The following CLASP1 variants were observed in gnomAD, a reference collection of about 807,000 sequenced individuals.
The protein encoded by CLASP1 is CLIP-associating protein 1.
In CLASP1, 38 loss-of-function variants were observed where a neutral mutation model predicts 192.3. The ratio of observed to expected loss-of-function variants is 0.20; its 90% CI spans 0.15 to 0.26. CLASP1 has a LOEUF of 0.26. CLASP1 is among the 10% of genes least tolerant of loss of function. The pLI is 1.00. For missense variants in CLASP1, 1,433 were observed against 1,932.5 expected (o/e 0.74, Z 4.85); for synonymous variants, 691 against 712.8 (o/e 0.97, Z 0.49).
At chr2:121,579,897 A>G (rs2060944087) in intron 2 of CLASP1, among the ~76,000 whole-genome samples, 1 of 152,246 alleles carries the variant, frequency 6.6e-6, no homozygotes, top group Non-Finnish European at 1.5e-5. Flanking sequence ...GTAGTAAATG[A>G]AGTCATTAAA....
rs116427811 is a variant in CLASP1, at chr2:121,605,885, C to A, written c.11G>T (p.Arg4Leu). 6,358 of 1,613,806 alleles carry A rather than the reference C, an allele frequency of 3.9e-3. 15 individuals are homozygous for A. The highest frequency in any genetic ancestry group is 4.9e-3 in the Non-Finnish European group (5,831 of 1,179,790). ...CACCTGCGCCAGGCAGGACTCCATGCGAGGCTCCATAGTGGAATTCAAATC... is the reference window on the plus strand; with the variant it reads ...CACCTGCGCCAGGCAGGACTCCATGAGAGGCTCCATAGTGGAATTCAAATC... Residue 4 changes from arginine (R) to leucine (L), a missense_variant, in exon 2 of 40, where the codon CGC becomes CTC. Physicochemically the swap from Arg to Leu is moderately radical, Grantham distance 102 (BLOSUM62 -2). Around this residue, in one of 8 missense-constraint regions of CLASP1, gnomAD observed 282 missense variants for 359.9 expected, o/e 0.78. Coordinates refer to ENST00000263710, the Ensembl canonical transcript of CLASP1.
intron 2 of CLASP1, among the ~76,000 whole-genome samples, chr2:121,590,147 T>C (rs1310902585): frequency 6.6e-6 from 1 of 152,170 alleles, no homozygotes; most frequent in East Asian, 1.9e-4. Flanking sequence ...CTTTGGCCCA[T>C]TCCAAAGGAA....
At chr2:121,614,507 CAAAACAA>C (rs956962876) in intron 1 of CLASP1, among the ~76,000 whole-genome samples, 3 of 151,854 alleles carry the variant, frequency 2.0e-5, no homozygotes, top group Non-Finnish European at 4.4e-5. Context: ...AAAAACAAAA[CAAAACAA>C]AAAACAAAAA....
At chr2:121,587,372 T>G (rs2061841982) in intron 2 of CLASP1, among the ~76,000 whole-genome samples, 1 of 152,152 alleles carries the variant, frequency 6.6e-6, no homozygotes, top group Non-Finnish European at 1.5e-5. Flanking sequence ...GGCTGGAAAT[T>G]GGGCCTGGAG....
At chr2:121,613,337 G>A (rs1434155679) in intron 1 of CLASP1, among the ~76,000 whole-genome samples, 3 of 152,114 alleles carry the variant, frequency 2.0e-5, no homozygotes, top group Admixed American at 6.6e-5. Context: ...CAAGACAATT[G>A]TCCTAGTCAT....
chr2:121,606,883 CCT>C (rs1365461646), intron 1 of CLASP1, among the ~76,000 whole-genome samples: 1 of 152,124 alleles, frequency 6.6e-6, no homozygotes, highest in East Asian at 1.9e-4. Flanking sequence ...ATGGTGAAAC[CCT>C]GTCTCTACTA....
intron 8 of CLASP1, among the ~76,000 whole-genome samples, chr2:121,497,853 A>G (rs1575473472): frequency 6.6e-6 from 1 of 152,040 alleles, no homozygotes; most frequent in South Asian, 2.1e-4. Context: ...CCGAATAGCT[A>G]GGACTACAGG....
chr2:121,478,678 A>ACACACACACCACC, intron 8 of CLASP1, among the ~76,000 whole-genome samples: 1 of 79,694 alleles, frequency 1.3e-5, no homozygotes, highest in Non-Finnish European at 2.6e-5. Flanking sequence ...CACACACCAC[A>ACACACACACCACC]CACACACCCC....
At chr2:121,525,523 G>C (rs2094554828) in intron 6 of CLASP1, among the ~76,000 whole-genome samples, 1 of 152,044 alleles carries the variant, frequency 6.6e-6, no homozygotes, top group South Asian at 2.1e-4. Context: ...ACCCCTTTTG[G>C]CTGCAGAGGT....
chr2:121,401,932 G>A (rs962436356), intron 26 of CLASP1, 62 bp from the exon 28 acceptor site: 2 of 629,298 alleles, frequency 3.2e-6, no homozygotes, highest in African/African-American at 1.8e-5. Context: ...TTAGTTGGCA[G>A]TGAATTAATA....
chr2:121,362,122 C>T (rs186825324), intron 37 of CLASP1, among the ~76,000 whole-genome samples: 1 of 152,370 alleles, frequency 6.6e-6, no homozygotes, highest in Admixed American at 6.5e-5. Flanking sequence ...TGTGCTCACA[C>T]GACAGTCACA....
chr2:121,613,127 A>G (rs1391057362), intron 1 of CLASP1, among the ~76,000 whole-genome samples: 1 of 152,174 alleles, frequency 6.6e-6, no homozygotes, highest in African/African-American at 2.4e-5. Flanking sequence ...GAACACACTA[A>G]ATGTCACTGT....
intron 19 of CLASP1, among the ~76,000 whole-genome samples, chr2:121,439,754 A>G (rs2082951948): frequency 6.6e-6 from 1 of 151,638 alleles, no homozygotes; most frequent in Non-Finnish European, 1.5e-5. Flanking sequence ...CTATGCAGCC[A>G]TAAAAAATGA....
At chr2:121,397,399 C>T (rs2075461980) in intron 29 of CLASP1, 116 bp from the exon 31 acceptor site, 2 of 838,480 alleles carry the variant, frequency 2.4e-6, no homozygotes, top group South Asian at 1.7e-5. Flanking sequence ...TTCCTTTCTC[C>T]TGTATCGATA....
intron 37 of CLASP1, among the ~76,000 whole-genome samples, chr2:121,357,755 C>T (rs770280526): frequency 7.2e-5 from 11 of 152,158 alleles, no homozygotes; most frequent in Admixed American, 2.0e-4. Flanking sequence ...TTTCTCCACT[C>T]GACACAGAGA....
Position 121,403,389 on chromosome 2 carries a change from A to T in CLASP1, c.2733+982T>A, listed in dbSNP as rs551575216. 505 of 456,670 alleles carry T rather than the reference A, an allele frequency of 1.1e-3. 5 individuals are homozygous for T. The highest frequency in any genetic ancestry group is 5.4e-3 in the South Asian group (346 of 64,568). 28.3% of individuals were successfully genotyped at this position (456,670 alleles called of 1,614,324 possible). A position where few individuals can be genotyped will look rare whatever the true frequency, so the allele number is the denominator to read the frequency against. On this transcript the variant is annotated intron_variant, in intron 26 of 39. Coordinates refer to ENST00000263710, the Ensembl canonical transcript of CLASP1. ...GAATGAATGGGTGGATGGATGTTTG[A>T]TATTTCAAGGACAATTCCTACGAGG...
intron 2 of CLASP1, among the ~76,000 whole-genome samples, chr2:121,539,670 C>T (rs2095184703): frequency 6.6e-6 from 1 of 151,796 alleles, no homozygotes; most frequent in Admixed American, 6.6e-5. Context: ...ATATCAAAAC[C>T]ACTTAAGAAA....
At position 121,459,570 on chromosome 2, in the gene CLASP1, C is replaced by T. The variant is rs530286421; in HGVS notation, c.1178+410G>A. 11 of 157,046 alleles carry T rather than the reference C, an allele frequency of 7.0e-5. No individual in the cohort carries two copies. In the South Asian group the frequency reaches 2.2e-3, roughly 32 times the overall value. The allele number at this position is 157,046 out of a possible 1,614,324, so 9.7% of individuals were successfully genotyped here. ...ATAGCTTTGATCACTAGTACACGTA[C>T]AGCTAGAATAAAATCTTACTGCAGT... is the stretch of plus-strand genomic sequence containing the variant. On this transcript the variant is annotated intron_variant, in intron 12 of 39. Transcript: ENST00000263710.
At chr2:121,428,816 C>T (rs780246408) in intron 20 of CLASP1, among the ~76,000 whole-genome samples, 15 of 152,166 alleles carry the variant, frequency 9.9e-5, no homozygotes, top group Non-Finnish European at 1.6e-4. Flanking sequence ...ATAAAGCTTG[C>T]GTCCATTTAA....
Sources: allele counts gnomAD v4.1 joint callset (sites outside exome capture counted in the v4.1 genomes callset), GRCh38; gene constraint gnomAD v4.1.1; regional missense constraint gnomAD v4.1.1; transcripts MANE v1.5; gene names NCBI Gene and HGNC (gene_info 2026-07-23, HGNC 2026-07-21).